Variants in TMEM63C observed in about 807,000 individuals in gnomAD.
TMEM63C encodes transmembrane protein 63C, also known as osmosensitive cation channel TMEM63C.
A neutral mutation model predicts 99.2 loss-of-function variants in TMEM63C; 32 were observed. The observed-to-expected ratio is 0.32, with a 90% confidence interval of 0.24 to 0.43. The LOEUF (loss-of-function observed/expected upper bound fraction) is 0.43, where lower values mean the gene tolerates loss of function less well. Among genes scored for constraint, TMEM63C ranks in the 20% least tolerant of loss-of-function variants. The probability of loss-of-function intolerance (pLI) is 1.00; values close to 1 mark genes in which losing one functional copy is unlikely to be tolerated. For synonymous variants in TMEM63C, 376 were observed against 397.9 expected, an observed-to-expected ratio of 0.94 and a Z score of 0.66; for missense variants, 826 against 1,053.0, an observed-to-expected ratio of 0.78 and a Z score of 2.98.
Position 77,251,800 on chromosome 14 carries a change from G to A in TMEM63C, c.2050G>A (p.Ala684Thr), listed in dbSNP as rs763988884. ...CTCCTCCTCGGCAGGTTCTCTCCAC[G>A]CCATCACCATCTTTTCCCTGTCCAC... ...FSILRLGSLH[A>T]ITIFSLSTLL... Residue 684 changes from alanine (A) to threonine (T), a missense_variant, in exon 22 of 24, where the codon GCC (alanine) becomes ACC (threonine). By Grantham distance (58) the Ala-to-Thr change is moderately conservative. Transcript: ENST00000298351. 15 of 1,613,724 alleles carry A rather than the reference G, an allele frequency of 9.3e-6. No individual in the cohort carries two copies. Among genetic ancestry groups the A allele is most frequent in the Middle Eastern group, 1.6e-4 (1 of 6,082 alleles).
chr14:77,235,488 T>C (rs547884489), intron 8 of TMEM63C, among the ~76,000 whole-genome samples: 2,562 of 3,174 alleles, frequency 0.81, 1,206 homozygotes, highest in Admixed American at 0.9. Flanking sequence ...GTGGGGGGTC[T>C]GGGGAGACTG....
At chr14:77,248,690 G>A in intron 19 of TMEM63C, 77 bp from the exon 20 acceptor site, 1 of 1,523,024 alleles carries the variant, frequency 6.6e-7, no homozygotes, top group South Asian at 1.1e-5. Context: ...GCTGCCAGGA[G>A]GCTGATGAGG....
At chr14:77,219,046 G>A in intron 3 of TMEM63C, 83 bp downstream of exon 3, 2 of 1,366,560 alleles carry the variant, frequency 1.5e-6, no homozygotes, top group Non-Finnish European at 1.9e-6. Flanking sequence ...GGGGGACCCA[G>A]TTGTCCAAAT....
At position 77,218,848 on chromosome 14, in the gene TMEM63C, G is replaced by T; in HGVS notation, c.35G>T (p.Gly12Val). ...SASPDDLSTG[G>V]RLQNMTVDEC... ...TCACCAGACGACCTGAGTACAGGGG[G>T]AAGGTTACAGAACATGACAGTGGAT... The change falls in exon 3 of 24, where the codon GGA becomes GTA. Residue 12 changes from glycine (G) to valine (V), a missense_variant. By Grantham distance (109) the Gly-to-Val change is moderately radical. Transcript: ENST00000298351. 6.2e-7 allele frequency: 1 copy of T among 1,613,738 alleles called. No individual in the cohort carries two copies. The highest frequency in any genetic ancestry group is 8.5e-7 in the Non-Finnish European group (1 of 1,179,800).
chr14:77,243,132 G>A, intron 15 of TMEM63C, 76 bp downstream of exon 15: 4 of 1,559,876 alleles, frequency 2.6e-6, no homozygotes, highest in South Asian at 1.2e-5. Context: ...TGGGATGGGG[G>A]GAGCCCCCTG....
intron 21 of TMEM63C, among the ~76,000 whole-genome samples, chr14:77,250,984 C>T (rs1391888967): frequency 1.3e-5 from 2 of 152,204 alleles, no homozygotes; most frequent in Non-Finnish European, 2.9e-5. Context: ...GGGCTTTGGG[C>T]ATGGGAACAT....
intron 1 of TMEM63C, among the ~76,000 whole-genome samples, chr14:77,186,776 G>GTGTGTGTGTGT (rs1888001342): frequency 9.4e-5 from 13 of 138,436 alleles, no homozygotes; most frequent in African/African-American, 1.4e-4. Context: ...GAACCAAAGG[G>GTGTGTGTGTGT]GTGTGTGTGT....
At chr14:77,255,851 C>T (rs907716909) in intron 23 of TMEM63C, among the ~76,000 whole-genome samples, 2 of 152,208 alleles carry the variant, frequency 1.3e-5, no homozygotes, top group Non-Finnish European at 2.9e-5. Context: ...GTAGGAAAAC[C>T]GTTCCTTCAA....
At chr14:77,183,287 C>T (rs1566613359) in intron 1 of TMEM63C, among the ~76,000 whole-genome samples, 2 of 152,292 alleles carry the variant, frequency 1.3e-5, no homozygotes, top group East Asian at 1.9e-4. Context: ...TCTTCGCACC[C>T]CACAGTCCCA....
At chr14:77,212,190 A>G (rs1888506244) in intron 1 of TMEM63C, 1 of 152,228 alleles carries the variant, frequency 6.6e-6, no homozygotes, top group Non-Finnish European at 1.5e-5. Context: ...ATTTATGTGA[A>G]TTATCTTACT....
intron 1 of TMEM63C, among the ~76,000 whole-genome samples, chr14:77,208,365 G>A (rs1888440967): frequency 6.6e-6 from 1 of 152,122 alleles, no homozygotes; most frequent in Admixed American, 6.6e-5. Context: ...TGCAGCTTTT[G>A]CCACAATTGC....
rs404728 is a variant in TMEM63C at position 77,225,410 on chromosome 14, T to C, written c.313-14T>C. 0.21 allele frequency: 336,264 copies of C among 1,611,274 alleles called. 36,489 individuals are homozygous for C. Among genetic ancestry groups the C allele is most frequent in the Non-Finnish European group, 0.22 (259,748 of 1,178,448 alleles). On this transcript the variant is annotated splice_polypyrimidine_tract_variant and intron_variant, in intron 5 of 23. Coordinates refer to ENST00000298351, the MANE Select transcript of TMEM63C (RefSeq NM_020431.4). Reference sequence around the variant, plus strand: ...GACCTGGGTTTTCTCACAGTTTCTCTCCTTTCCCCGCAGGGATTCTGTTCC... The same window carrying C: ...GACCTGGGTTTTCTCACAGTTTCTCCCCTTTCCCCGCAGGGATTCTGTTCC...
intron 1 of TMEM63C, among the ~76,000 whole-genome samples, chr14:77,210,438 G>A (rs1476937454): frequency 6.6e-6 from 1 of 152,210 alleles, no homozygotes; most frequent in African/African-American, 2.4e-5. Context: ...GTGAAGAGTT[G>A]AGGAGTTTGA....
At chr14:77,205,553 C>A (rs1235939965) in intron 1 of TMEM63C, among the ~76,000 whole-genome samples, 1 of 152,168 alleles carries the variant, frequency 6.6e-6, no homozygotes, top group East Asian at 1.9e-4. Context: ...CAGAAGGCTC[C>A]CTGAAGAAAG....
At chr14:77,187,487 C>A (rs1377151715) in intron 1 of TMEM63C, among the ~76,000 whole-genome samples, 1 of 152,224 alleles carries the variant, frequency 6.6e-6, no homozygotes, top group Non-Finnish European at 1.5e-5. Context: ...GGGGACTCGG[C>A]AAGGCCAGGC....
At chr14:77,214,415 C>A (rs1029973374) in intron 2 of TMEM63C, among the ~76,000 whole-genome samples, 2 of 152,078 alleles carry the variant, frequency 1.3e-5, no homozygotes, top group African/African-American at 4.8e-5. Flanking sequence ...GGTCTCCTCA[C>A]CCTCCGACTG....
chr14:77,187,745 G>C (rs1269529800), intron 1 of TMEM63C, among the ~76,000 whole-genome samples: 1 of 152,236 alleles, frequency 6.6e-6, no homozygotes, highest in African/African-American at 2.4e-5. Flanking sequence ...AGTGGGAAGA[G>C]CAGGCTTTCT....
rs986304544 is a variant in TMEM63C, at chr14:77,257,321, C to T, written c.*595C>T. 2.0e-5 allele frequency: 3 copies of T among 153,002 alleles called. No homozygotes were observed. Among genetic ancestry groups the T allele is most frequent in the African/African-American group, 7.2e-5 (3 of 41,458 alleles). 9.5% of individuals were successfully genotyped at this position (153,002 alleles called of 1,614,324 possible). A position where few individuals can be genotyped will look rare whatever the true frequency, so the allele number is the denominator to read the frequency against. ...AGCAAGAGCCAACTGAAAGCGTAGA[C>T]CTGAGAAGAGGTAACTCAGCCCCTT... On this transcript the variant is annotated 3_prime_UTR_variant, in exon 24 of 24. Coordinates refer to ENST00000298351, the MANE Select transcript of TMEM63C (RefSeq NM_020431.4).
intron 10 of TMEM63C, 118 bp downstream of exon 10, chr14:77,238,885 T>G: frequency 1.3e-6 from 1 of 759,268 alleles, no homozygotes; most frequent in Non-Finnish European, 2.2e-6. Context: ...CCGGGGTGGC[T>G]CTCCCTGGAC....
Sources: allele counts gnomAD v4.1 joint callset (sites outside exome capture counted in the v4.1 genomes callset), GRCh38; gene constraint gnomAD v4.1.1; transcripts MANE v1.5; gene names NCBI Gene and HGNC (gene_info 2026-07-23, HGNC 2026-07-21).